Variants in FSIP2 observed in about 807,000 individuals in gnomAD.
The protein encoded by FSIP2 is fibrous sheath interacting protein 2.
FSIP2 carries 367 observed loss-of-function variants against 510.5 expected under a neutral mutation model. The observed-to-expected ratio is 0.72, with a 90% confidence interval of 0.66 to 0.78. FSIP2 has a LOEUF of 0.78. FSIP2 is among the 30% of genes least tolerant of loss of function. FSIP2 has a pLI of 0.00. For synonymous variants in FSIP2, 2,601 were observed against 2,732.2 expected (o/e 0.95, Z 1.50); for missense variants, 7,594 against 7,901.7 (o/e 0.96, Z 1.48).
rs770864538 is a variant in FSIP2 at position 185,793,449 on chromosome 2, A to T, written c.6313A>T (p.Thr2105Ser). The change falls in exon 16 of 23, where the codon ACC (threonine) becomes TCC (serine). Residue 2105 changes from threonine (T) to serine (S), a missense_variant. Transcript: ENST00000424728. ...EGILCDIYEK[T>S]LFQNNLSFAT... Reference sequence around the variant, plus strand: ...TATCCTATGTGATATTTATGAAAAAACCCTGTTTCAGAATAATCTCTCATT... The same window carrying T: ...TATCCTATGTGATATTTATGAAAAATCCCTGTTTCAGAATAATCTCTCATT... 11 of 1,534,054 alleles carry T rather than the reference A, an allele frequency of 7.2e-6. No homozygotes were observed. In the Admixed American group the frequency reaches 1.2e-4, roughly 16 times the overall value.
At position 185,799,962 on chromosome 2, in the gene FSIP2, C is replaced by T; in HGVS notation, c.10656C>T (p.Ser3552=). Residue 3552 remains serine (S), a synonymous_variant, in exon 17 of 23, where the codon TCC becomes TCT. Transcript: ENST00000424728. The stretch of plus-strand genomic sequence containing the variant: ...AAGTGTTTGAGAGCAGGTCAATTTC[C>T]ATTGGAGAACTTGCTTTATGTATTT... ...HSQVFESRSI[S]IGELALCISE... The T allele has an allele frequency of 5.2e-6, 8 of 1,529,244 alleles. No individual in the cohort carries two copies. Among genetic ancestry groups the T allele is most frequent in the Non-Finnish European group, 6.1e-6 (7 of 1,142,214 alleles). 94.7% of individuals were successfully genotyped at this position (1,529,244 alleles called of 1,614,324 possible).
rs17826666 is a variant in FSIP2 at position 185,813,906 on chromosome 2, C to T, written c.20189C>T (p.Thr6730Ile). 134,701 of 1,613,420 alleles carry T rather than the reference C, an allele frequency of 0.083. 6,197 individuals are homozygous for T. The highest frequency in any genetic ancestry group is 0.093 in the Non-Finnish European group (110,004 of 1,179,562). Residue 6730 changes from threonine (T) to isoleucine (I), a missense_variant, in exon 18 of 23, where the codon ACT becomes ATT. By Grantham distance (89) the Thr-to-Ile change is moderately conservative. Transcript: ENST00000424728. ...ACAGCCAGTGCAAATATTGAAAGTA[C>T]TGAAGCAATCTCAAATCAGGTAATA... ...QTTASANIES[T>I]EAISNQVIES...
chr2:185,781,111 A>G (rs1158145605), intron 13 of FSIP2, among the ~76,000 whole-genome samples: 1 of 106,394 alleles, frequency 9.4e-6, no homozygotes, highest in Non-Finnish European at 2.0e-5. Context: ...TTGGGATCCT[A>G]AACAGATGGC....
rs540168993 is a variant in FSIP2, at chr2:185,768,103, A to G, written c.1411+3538A>G. 1.6e-4 allele frequency among the ~76,000 whole-genome samples: 25 copies of G among 152,018 alleles called. 1 individual carries two copies. Among genetic ancestry groups the G allele is most frequent in the Admixed American group, 1.2e-3 (19 of 15,260 alleles). On this transcript the variant is annotated intron_variant, in intron 13 of 22. Transcript: ENST00000424728. ...GGTATATCATTATGGTTTTGATTGT[A>G]TTTTTATTTTTAATAATTTTTTTTT...
rs17826498 is a variant in FSIP2 at position 185,806,529 on chromosome 2, T to A, written c.17223T>A (p.Asn5741Lys). 1.3e-6 allele frequency: 2 copies of A among 1,597,660 alleles called. No homozygotes were observed. Among genetic ancestry groups the A allele is most frequent in the Non-Finnish European group, 1.7e-6 (2 of 1,175,346 alleles). The change falls in exon 17 of 23, where the codon AAT becomes AAA. Residue 5741 changes from asparagine to lysine, a missense_variant. Asn to Lys is a moderately conservative substitution (Grantham distance 94). Transcript: ENST00000424728. ...AAGTATCCTCCTCAACTAACAAAAA[T>A]ATCTCTGCCAAAGAAAAAGAAGAGG... ...TKKVSSSTNK[N>K]ISAKEKEEEE...
At chr2:185,828,854 C>T (rs1206078170) in intron 21 of FSIP2, among the ~76,000 whole-genome samples, 1 of 151,792 alleles carries the variant, frequency 6.6e-6, no homozygotes, top group Non-Finnish European at 1.5e-5. Context: ...TGGGTCCTTC[C>T]ACCCCCACAT....
Position 185,789,833 on chromosome 2 carries a change from T to G in FSIP2, c.2697T>G (p.Ser899=). 6.5e-7 allele frequency: 1 copy of G among 1,533,060 alleles called. No homozygotes were observed. 95.0% of individuals were successfully genotyped at this position (1,533,060 alleles called of 1,614,324 possible). A position where few individuals can be genotyped will look rare whatever the true frequency, so the allele number is the denominator to read the frequency against. ...TAATATCAAATATTTTTTCCCAGTC[T>G]TCTTTGGTTGCTTATATAGAGGAAG... ...QNLISNIFSQ[S]SLVAYIEEAI... is the part of the protein sequence containing the mutation. The change falls in exon 16 of 23, where the codon TCT becomes TCG. Residue 899 remains serine (S), a synonymous_variant. Transcript: ENST00000424728.
At chr2:185,776,533 T>C (rs1692725333) in intron 13 of FSIP2, among the ~76,000 whole-genome samples, 1 of 152,182 alleles carries the variant, frequency 6.6e-6, no homozygotes, top group Non-Finnish European at 1.5e-5. Flanking sequence ...AAATTAAATC[T>C]CTATTGACAT....
chr2:185,796,923 T>A lies in FSIP2; in HGVS notation c.9787T>A (p.Tyr3263Asn). 10 of 1,534,934 alleles carry A rather than the reference T, an allele frequency of 6.5e-6. No individual in the cohort carries two copies. The highest frequency in any genetic ancestry group is 8.7e-6 in the Non-Finnish European group (10 of 1,146,214). ...TGATCAGACCATGAAAGGAAATAGC[T>A]ACCTCCCTGAAGGCAGTTTCTTACA... is the stretch of plus-strand genomic sequence containing the variant. ...SFDQTMKGNSYLPEGSFLQKL... is the reference protein window; with the variant it reads ...SFDQTMKGNSNLPEGSFLQKL... Residue 3263 changes from tyrosine (Y) to asparagine (N), a missense_variant, in exon 16 of 23, where the codon TAC (tyrosine) becomes AAC (asparagine). Transcript: ENST00000424728.
intron 12 of FSIP2, among the ~76,000 whole-genome samples, chr2:185,763,634 T>C (rs1692399454): frequency 6.6e-6 from 1 of 151,592 alleles, no homozygotes; most frequent in South Asian, 2.1e-4. Context: ...CTTTTGGACA[T>C]GAAATAGATT....
At chr2:185,775,372 A>C (rs1335347778) in intron 13 of FSIP2, among the ~76,000 whole-genome samples, 1 of 150,902 alleles carries the variant, frequency 6.6e-6, no homozygotes, top group Non-Finnish European at 1.5e-5. Context: ...TGGCTGCATA[A>C]ATGTCTTCTT....
chr2:185,803,586 T>C lies in FSIP2; in HGVS notation c.14280T>C (p.Ser4760=). 6.5e-7 allele frequency: 1 copy of C among 1,531,880 alleles called. No homozygotes were observed. Among genetic ancestry groups the C allele is most frequent in the Non-Finnish European group, 8.7e-7 (1 of 1,144,370 alleles). The allele number at this position is 1,531,880 out of a possible 1,614,324, so 94.9% of individuals were successfully genotyped here. A position where few individuals can be genotyped will look rare whatever the true frequency, so the allele number is the denominator to read the frequency against. ...NLPFKSHSKL[S]ANVLIQRVQY... is the part of the protein sequence containing the mutation. ...CTTTTAAATCACATTCCAAACTCAG[T>C]GCAAATGTTTTAATACAAAGAGTTC... Residue 4760 remains serine, a synonymous_variant, in exon 17 of 23, where the codon AGT becomes AGC. Coordinates refer to ENST00000424728, the MANE Select transcript of FSIP2 (RefSeq NM_173651.4).
chr2:185,833,039 CT>C, intron 22 of FSIP2, 50 bp from the exon 23 acceptor site: 4 of 1,560,012 alleles, frequency 2.6e-6, no homozygotes, highest in Non-Finnish European at 2.6e-6. Flanking sequence ...GGTATTTTAC[CT>C]CAGTGTTCAA....
chr2:185,803,916 T>A lies in FSIP2; in HGVS notation c.14610T>A (p.Asp4870Glu). The change falls in exon 17 of 23, where the codon GAT becomes GAA. Residue 4870 changes from aspartate (D) to glutamate (E), a missense_variant. Transcript: ENST00000424728. ...IQSMVDSIYA[D>E]LSHSNIYQSI... is the part of the protein sequence containing the mutation. ...CTATGGTTGATTCCATTTATGCTGA[T>A]CTTTCTCATTCAAATATATACCAGT... 9 of 1,524,794 alleles carry A rather than the reference T, an allele frequency of 5.9e-6. No individual in the cohort carries two copies. The highest frequency in any genetic ancestry group is 7.9e-6 in the Non-Finnish European group (9 of 1,138,978). The allele number at this position is 1,524,794 out of a possible 1,614,324, so 94.5% of individuals were successfully genotyped here. A position where few individuals can be genotyped will look rare whatever the true frequency, so the allele number is the denominator to read the frequency against.
Position 185,788,830 on chromosome 2 carries a change from A to ACTT in FSIP2, c.1695_1697dup (p.Phe566dup), listed in dbSNP as rs1428195730. The ACTT allele has an allele frequency of 6.5e-7, 1 of 1,534,584 alleles. No homozygotes were observed. The highest frequency in any genetic ancestry group is 2.4e-5 in the East Asian group (1 of 40,854). On this transcript the variant is annotated inframe_insertion, in exon 16 of 23. Coordinates refer to ENST00000424728, the MANE Select transcript of FSIP2 (RefSeq NM_173651.4). Reference sequence around the variant, plus strand: ...AGTTTCTGTAGCACGTGCAGTGAAGACTTTACATATAGAAGCTACACATCT... The same window carrying ACTT: ...AGTTTCTGTAGCACGTGCAGTGAAGACTTCTTTACATATAGAAGCTACACATCT...
At chr2:185,777,385 T>G (rs917580569) in intron 13 of FSIP2, among the ~76,000 whole-genome samples, 1 of 132,348 alleles carries the variant, frequency 7.6e-6, no homozygotes, top group Non-Finnish European at 1.6e-5. Flanking sequence ...GCAATTCTTA[T>G]AATTGTAGTT....
At chr2:185,758,949 C>T (rs1421700942) in intron 9 of FSIP2, among the ~76,000 whole-genome samples, 2 of 151,088 alleles carry the variant, frequency 1.3e-5, no homozygotes, top group Admixed American at 6.6e-5. Context: ...ATTCTAGAGC[C>T]TTTGCATTTC....
Position 185,738,862 on chromosome 2 carries a change from G to C in FSIP2, c.-33G>C, listed in dbSNP as rs1167724241. 6.6e-7 allele frequency: 1 copy of C among 1,524,640 alleles called. No homozygotes were observed. Among genetic ancestry groups the C allele is most frequent in the Non-Finnish European group, 8.8e-7 (1 of 1,141,898 alleles). 94.4% of individuals were successfully genotyped at this position (1,524,640 alleles called of 1,614,324 possible). ...GGTGCTAGAGAAGGAGAGCGGGGCGGGTGAGGAAGGGGCTGAGGGGGCTGT... is the reference window on the plus strand; with the variant it reads ...GGTGCTAGAGAAGGAGAGCGGGGCGCGTGAGGAAGGGGCTGAGGGGGCTGT... On this transcript the variant is annotated 5_prime_UTR_variant, in exon 1 of 23. Coordinates refer to ENST00000424728, the MANE Select transcript of FSIP2 (RefSeq NM_173651.4).
At chr2:185,774,054 A>T (rs969828508) in intron 13 of FSIP2, among the ~76,000 whole-genome samples, 2 of 152,178 alleles carry the variant, frequency 1.3e-5, no homozygotes, top group Non-Finnish European at 2.9e-5. Context: ...CATTCAACCA[A>T]GTCCCTCCTC....
Sources: allele counts gnomAD v4.1 joint callset (sites outside exome capture counted in the v4.1 genomes callset), GRCh38; gene constraint gnomAD v4.1.1; transcripts MANE v1.5; gene names NCBI Gene and HGNC (gene_info 2026-07-23, HGNC 2026-07-21).